SFMBT2: variants seen among roughly 807,000 people sequenced by gnomAD.
The protein encoded by SFMBT2 is Scm like with four mbt domains 2.
A neutral mutation model predicts 110.1 loss-of-function variants in SFMBT2; 38 were observed. The observed-to-expected ratio is 0.35, with a 90% CI of 0.27 to 0.45. The LOEUF is 0.45. Ranked by LOEUF, SFMBT2 falls within the 20% of genes least tolerant of loss-of-function variation. The probability of loss-of-function intolerance (pLI) is 1.00; values close to 1 mark genes in which losing one functional copy is unlikely to be tolerated. For missense variants in SFMBT2, 1,011 were observed against 1,094.9 expected, an observed-to-expected ratio of 0.92 and a Z score of 1.08; for synonymous variants, 425 against 425.4, an observed-to-expected ratio of 1.00 and a Z score of 0.01.
intron 11 of SFMBT2, among the ~76,000 whole-genome samples, chr10:7,210,715 C>G (rs150646362): frequency 0.016 from 2,466 of 152,370 alleles, 32 homozygotes; most frequent in Admixed American, 0.021. Flanking sequence ...GAAGCCCCAC[C>G]TGCCCTCTGG....
intron 4 of SFMBT2, among the ~76,000 whole-genome samples, chr10:7,311,475 T>C (rs1048439034): frequency 6.6e-6 from 1 of 152,232 alleles, no homozygotes; most frequent in South Asian, 2.1e-4. Flanking sequence ...AATAAATCTA[T>C]CACATCCTCC....
At chr10:7,178,386 C>T (rs1482161876) in intron 16 of SFMBT2, among the ~76,000 whole-genome samples, 4 of 152,198 alleles carry the variant, frequency 2.6e-5, no homozygotes, top group East Asian at 1.9e-4. Flanking sequence ...GAAATCCAAA[C>T]GCCTTTTATA....
intron 4 of SFMBT2, among the ~76,000 whole-genome samples, chr10:7,333,871 A>G (rs1166861091): frequency 6.6e-6 from 1 of 151,850 alleles, no homozygotes; most frequent in Non-Finnish European, 1.5e-5. Flanking sequence ...GGCTCACACT[A>G]GGAAGCGCTG....
intron 4 of SFMBT2, among the ~76,000 whole-genome samples, chr10:7,349,074 T>A (rs1269370745): frequency 6.6e-6 from 1 of 152,186 alleles, no homozygotes; most frequent in Non-Finnish European, 1.5e-5. Context: ...CACTCCCAGG[T>A]CTCATGAATC....
At chr10:7,189,943 G>A (rs776196863) in intron 15 of SFMBT2, among the ~76,000 whole-genome samples, 2 of 152,174 alleles carry the variant, frequency 1.3e-5, no homozygotes, top group Non-Finnish European at 2.9e-5. Flanking sequence ...AATTTTCACG[G>A]GTCTGTTGTG....
rs978413957 is a variant in SFMBT2, at chr10:7,301,843, GA to G, written c.437-15890del. ...TGCGTGGCTCTAGACTATCGAAGGG[GA>G]AAAAAAACCACTGGTGTAGAATTTT... On this transcript the variant is annotated intron_variant, in intron 4 of 20. Coordinates refer to ENST00000397167, the MANE Select transcript of SFMBT2 (RefSeq NM_001387889.1). The surrounding 1 kb of genome is among the most constrained non-coding windows in gnomAD (Gnocchi z 4.2). 1.2e-4 allele frequency among the ~76,000 whole-genome samples: 18 copies of G among 151,048 alleles called. 1 individual carries two copies. Among genetic ancestry groups the G allele is most frequent in the Admixed American group, 1.2e-3 (18 of 15,136 alleles).
At chr10:7,306,453 G>T (rs755566205) in intron 4 of SFMBT2, among the ~76,000 whole-genome samples, 1 of 152,100 alleles carries the variant, frequency 6.6e-6, no homozygotes, top group Non-Finnish European at 1.5e-5. Context: ...GGCTGCTCTC[G>T]TGCCACAACA....
chr10:7,354,549 T>C (rs942654544), intron 4 of SFMBT2, among the ~76,000 whole-genome samples: 4 of 152,114 alleles, frequency 2.6e-5, no homozygotes, highest in African/African-American at 9.7e-5. Flanking sequence ...ATCAGTCTCA[T>C]GGAAGAGACA....
chr10:7,401,158 T>C (rs988454893), intron 1 of SFMBT2, among the ~76,000 whole-genome samples: 1 of 151,588 alleles, frequency 6.6e-6, no homozygotes, highest in South Asian at 2.1e-4. Flanking sequence ...ATAAAAAGCA[T>C]CCCCTCCAAA....
intron 2 of SFMBT2, among the ~76,000 whole-genome samples, chr10:7,375,737 G>A (rs1202078246): frequency 7.1e-6 from 1 of 140,654 alleles, no homozygotes; most frequent in Non-Finnish European, 1.5e-5. Flanking sequence ...GTTACTCTAG[G>A]AGAAAAGAAA....
At chr10:7,192,798 C>T (rs1330220775) in intron 15 of SFMBT2, among the ~76,000 whole-genome samples, 2 of 152,138 alleles carry the variant, frequency 1.3e-5, no homozygotes, top group Non-Finnish European at 2.9e-5. Context: ...TGCAGTGGGG[C>T]GTCTCTGACT....
intron 4 of SFMBT2, among the ~76,000 whole-genome samples, chr10:7,314,665 T>A (rs1842936876): frequency 6.6e-6 from 1 of 152,118 alleles, no homozygotes; most frequent in Non-Finnish European, 1.5e-5. Context: ...CCCAGCACTT[T>A]GGGAGGCTGA....
chr10:7,169,451 A>G (rs192403269), intron 20 of SFMBT2, among the ~76,000 whole-genome samples: 5 of 152,292 alleles, frequency 3.3e-5, no homozygotes, highest in Admixed American at 3.3e-4. Flanking sequence ...TTGGGAGAAA[A>G]GCTGGGAAAT....
At chr10:7,213,615 T>G (rs1420693200) in intron 11 of SFMBT2, among the ~76,000 whole-genome samples, 1 of 151,900 alleles carries the variant, frequency 6.6e-6, no homozygotes, top group Admixed American at 6.6e-5. Context: ...TGCTGGTGAG[T>G]TCTGTTCTGG....
At position 7,176,588 on chromosome 10, in the gene SFMBT2, A is replaced by G. The variant is rs1421684156; in HGVS notation, c.1809-423T>C. ...ATGGGATCAGGATTCTGCCTTGAAA[A>G]CCATGCAAATTCAGAACACTGAAAG... On this transcript the variant is annotated intron_variant, in intron 16 of 20. Coordinates refer to ENST00000397167, the MANE Select transcript of SFMBT2 (RefSeq NM_001387889.1). 5.4e-6 allele frequency: 4 copies of G among 744,710 alleles called. No individual in the cohort carries two copies. In the Admixed American group the frequency reaches 2.5e-4, roughly 47 times the overall value. 46.1% of individuals were successfully genotyped at this position (744,710 alleles called of 1,614,324 possible).
At chr10:7,290,273 A>G (rs1055083027) in intron 4 of SFMBT2, among the ~76,000 whole-genome samples, 5 of 152,112 alleles carry the variant, frequency 3.3e-5, no homozygotes, top group Non-Finnish European at 7.4e-5. Context: ...AAAAAAAAAA[A>G]AAGAAAGAAA....
At chr10:7,249,004 C>T in intron 7 of SFMBT2, 1 of 459,890 alleles carries the variant, frequency 2.2e-6, no homozygotes, top group Non-Finnish European at 2.9e-6. Context: ...TCAGAAAACA[C>T]CAGGTCTCTT....
chr10:7,177,509 T>C (rs921913753), intron 16 of SFMBT2, among the ~76,000 whole-genome samples: 5 of 152,054 alleles, frequency 3.3e-5, no homozygotes, highest in Non-Finnish European at 7.4e-5. Context: ...TTCAATGAGG[T>C]AATTAAATTA....
intron 7 of SFMBT2, among the ~76,000 whole-genome samples, chr10:7,251,274 G>C (rs976326192): frequency 2.0e-5 from 3 of 152,054 alleles, no homozygotes; most frequent in Non-Finnish European, 4.4e-5. Context: ...AGGAGTTCGA[G>C]ACCAGCCTGG....
Sources: gnomAD v4.1 joint callset for allele counts (sites outside exome capture counted in the v4.1 genomes callset) on GRCh38, gnomAD v4.1.1 for gene constraint, Gnocchi (gnomAD v3.1) non-coding constraint, MANE v1.5 for transcripts, NCBI Gene and HGNC (gene_info 2026-07-23, HGNC 2026-07-21) for gene names.